The following PCDH15 variants were observed in gnomAD, a reference collection of about 807,000 sequenced individuals.
The protein encoded by PCDH15 is protocadherin-15.
Under a neutral mutation model 178.5 loss-of-function variants are expected in PCDH15, and 129 were observed. The ratio of observed to expected loss-of-function variants is 0.72; its 90% CI spans 0.63 to 0.84. The LOEUF is 0.84. PCDH15 is among the 40% of genes least tolerant of loss of function. The pLI is 0.00. For missense variants in PCDH15, 2,230 were observed against 2,099.9 expected (o/e 1.06, Z -1.21); for synonymous variants, 800 against 732.0 (o/e 1.09, Z -1.50).
At chr10:53,920,747 C>A (rs1165406487) in intron 25 of PCDH15, among the ~76,000 whole-genome samples, 1 of 152,092 alleles carries the variant, frequency 6.6e-6, no homozygotes, top group Non-Finnish European at 1.5e-5. Flanking sequence ...CATCAACAAG[C>A]CCTGGCTTAC....
intron 32 of PCDH15, chr10:53,821,752 A>C (rs1564529449): frequency 6.4e-7 from 1 of 1,552,354 alleles, no homozygotes; most frequent in Non-Finnish European, 8.6e-7. Flanking sequence ...CATTTCATTG[A>C]ATTTGGGGTA....
intron 24 of PCDH15, among the ~76,000 whole-genome samples, chr10:53,940,445 T>C (rs573510300): frequency 6.6e-6 from 1 of 152,154 alleles, no homozygotes; most frequent in South Asian, 2.1e-4. Context: ...AACCTTGAAG[T>C]TCCTTCAGGA....
chr10:53,958,978 CAAAAAAAAAAAAAA>C (rs71004497), intron 23 of PCDH15, among the ~76,000 whole-genome samples: 7 of 45,828 alleles, frequency 1.5e-4, no homozygotes, highest in East Asian at 6.5e-4. Context: ...GACTCCATCT[CAAAAAAAAAAAAAA>C]AAAAAAAAAA....
chr10:53,941,090 C>CAA lies in PCDH15; in HGVS notation c.3123-116_3123-115insTT, dbSNP rs1214459012. On this transcript the variant is annotated intron_variant, in intron 23 of 37. Coordinates refer to ENST00000644397, the MANE Select transcript of PCDH15 (RefSeq NM_001384140.1). ...AGATTTCTGATATACCCTCTGCCCT[C>CAA]ACACATTCATGGCCTCCTCCATGAT... 6.3e-5 allele frequency: 46 copies of CAA among 724,872 alleles called. No homozygotes were observed. In the East Asian group the frequency reaches 1.3e-3, roughly 20 times the overall value. 44.9% of individuals were successfully genotyped at this position (724,872 alleles called of 1,614,324 possible). A position where few individuals can be genotyped will look rare whatever the true frequency, so the allele number is the denominator to read the frequency against.
intron 2 of PCDH15, among the ~76,000 whole-genome samples, chr10:55,626,388 T>A (rs1837530300): frequency 6.6e-6 from 1 of 152,208 alleles, no homozygotes; most frequent in Admixed American, 6.5e-5. Context: ...AACCGTCTAA[T>A]ATTATTCTAT....
chr10:54,978,126 C>A (rs1407226459), intron 2 of PCDH15, among the ~76,000 whole-genome samples: 1 of 151,878 alleles, frequency 6.6e-6, no homozygotes, highest in Admixed American at 6.6e-5. Context: ...TTATAAAAAC[C>A]TAAATGCATG....
At chr10:54,894,927 C>T (rs905401307) in intron 3 of PCDH15, among the ~76,000 whole-genome samples, 2 of 152,258 alleles carry the variant, frequency 1.3e-5, no homozygotes, top group Non-Finnish European at 2.9e-5. Context: ...TTATCTGCTA[C>T]TGAGAATACT....
chr10:54,650,752 G>T (rs12354510), intron 2 of PCDH15, among the ~76,000 whole-genome samples: 1 of 151,642 alleles, frequency 6.6e-6, no homozygotes, highest in East Asian at 1.9e-4. Context: ...AAGCAAAAGG[G>T]GTTTCCCCTT....
At chr10:54,317,675 G>A (rs1319616987) in intron 7 of PCDH15, among the ~76,000 whole-genome samples, 1 of 152,088 alleles carries the variant, frequency 6.6e-6, no homozygotes, top group Non-Finnish European at 1.5e-5. Flanking sequence ...GAGAGGCTGA[G>A]GCAGGAGGAT....
At chr10:55,417,275 T>C (rs1234185032) in intron 2 of PCDH15, among the ~76,000 whole-genome samples, 1 of 151,636 alleles carries the variant, frequency 6.6e-6, no homozygotes, top group Non-Finnish European at 1.5e-5. Context: ...CACCAAATCA[T>C]AGTGCAGCTA....
chr10:55,119,979 GT>G (rs369317292), intron 2 of PCDH15, among the ~76,000 whole-genome samples: 348 of 146,600 alleles, frequency 2.4e-3, no homozygotes, highest in African/African-American at 5.6e-3. Context: ...TGTCTTAAAT[GT>G]TTTTTTTTTT....
At position 55,386,927 on chromosome 10, in the gene PCDH15, C is replaced by T. The variant is rs141520751; in HGVS notation, c.-155-220276G>A. On this transcript the variant is annotated intron_variant, in intron 2 of 5. Transcript: ENST00000613346. Reference sequence around the variant, plus strand: ...AATCAGTATAATTTTTATTTCCTCACTGGTGTAAAAGAGAAACATGGCTGG... The same window carrying T: ...AATCAGTATAATTTTTATTTCCTCATTGGTGTAAAAGAGAAACATGGCTGG... Among the ~76,000 whole-genome samples, 569 of 152,044 alleles carry T rather than the reference C, an allele frequency of 3.7e-3. 4 individuals carry two copies. The highest frequency in any genetic ancestry group is 0.011 in the African/African-American group (473 of 41,502).
At chr10:54,957,208 A>C (rs1838511958) in intron 2 of PCDH15, among the ~76,000 whole-genome samples, 1 of 151,634 alleles carries the variant, frequency 6.6e-6, no homozygotes, top group South Asian at 2.1e-4. Context: ...AAAGTATATG[A>C]ATTGTATAGG....
chr10:54,959,454 A>G (rs1838585655), intron 2 of PCDH15, among the ~76,000 whole-genome samples: 1 of 152,002 alleles, frequency 6.6e-6, no homozygotes. Context: ...ACATCTATTA[A>G]TTTTGGGGAA....
rs534778930 is a variant in PCDH15 at position 55,102,442 on chromosome 10, C to T, written c.-80+64134G>A. On this transcript the variant is annotated intron_variant, in intron 2 of 5. Transcript: ENST00000458638. The stretch of plus-strand genomic sequence containing the variant: ...ATATACTCTGTTTTTTTAATACATA[C>T]TTATGATAAAATTTAATTTATAAAT... 3.3e-5 allele frequency among the ~76,000 whole-genome samples: 5 copies of T among 151,938 alleles called. No homozygotes were observed. In the South Asian group the frequency reaches 1.0e-3, roughly 32 times the overall value.
intron 29 of PCDH15, 80 bp downstream of exon 29, chr10:53,840,240 G>C: frequency 6.7e-7 from 1 of 1,485,926 alleles, no homozygotes; most frequent in Non-Finnish European, 9.4e-7. Flanking sequence ...TAAACTTTAA[G>C]TACTTATAGC....
intron 3 of PCDH15, among the ~76,000 whole-genome samples, chr10:54,415,236 A>T (rs1029903267): frequency 1.3e-5 from 2 of 152,060 alleles, no homozygotes; most frequent in Admixed American, 6.6e-5. Context: ...TAAGGTCTTT[A>T]TCCACAAAAG....
At chr10:54,748,164 C>T (rs1435216452) in intron 1 of PCDH15, among the ~76,000 whole-genome samples, 1 of 152,098 alleles carries the variant, frequency 6.6e-6, no homozygotes, top group Non-Finnish European at 1.5e-5. Flanking sequence ...TCACTCAAGA[C>T]GATCTGCTTT....
rs190080912 is a variant in PCDH15, at chr10:55,347,899, T to C, written c.-155-181248A>G. On this transcript the variant is annotated intron_variant, in intron 2 of 5. Transcript: ENST00000613346. ...TCTTTTTATTTTTATTTGATTCTCA[T>C]CAGCTAAAACTTGAACCTTTTATTT... Among the ~76,000 whole-genome samples the C allele has an allele frequency of 2.8e-4, 42 of 152,188 alleles. No individual in the cohort carries two copies. The East Asian group carries it at 6.7e-3, about 24-fold the overall frequency.
Sources: allele counts gnomAD v4.1 joint callset (sites outside exome capture counted in the v4.1 genomes callset), GRCh38; gene constraint gnomAD v4.1.1; transcripts MANE v1.5; gene names NCBI Gene and HGNC (gene_info 2026-07-23, HGNC 2026-07-21).